The following CTIF variants were observed in gnomAD, a reference collection of about 807,000 sequenced individuals.
The protein encoded by CTIF is cap binding complex dependent translation initiation factor.
CTIF carries 21 observed loss-of-function variants against 66.0 expected under a neutral mutation model. The observed-to-expected ratio is 0.32, with a 90% CI of 0.23 to 0.46. CTIF has a LOEUF of 0.46. CTIF is among the 20% of genes least tolerant of loss of function. The pLI, the probability that CTIF is intolerant of heterozygous loss-of-function variation, is 1.00. For synonymous variants in CTIF, 345 were observed against 326.4 expected, an observed-to-expected ratio of 1.06 and a Z score of -0.62; for missense variants, 739 against 812.7, an observed-to-expected ratio of 0.91 and a Z score of 1.10.
chr18:48,743,693 A>G (rs2092572793), intron 7 of CTIF, among the ~76,000 whole-genome samples: 1 of 152,220 alleles, frequency 6.6e-6, no homozygotes, highest in Admixed American at 6.5e-5. Flanking sequence ...TTAAACACAA[A>G]CCTTGTAATT....
intron 9 of CTIF, among the ~76,000 whole-genome samples, chr18:48,775,532 TCTC>T (rs908402036): frequency 3.9e-5 from 6 of 152,264 alleles, no homozygotes; most frequent in Admixed American, 3.9e-4. Flanking sequence ...CAAGGAAAGC[TCTC>T]CAAGGGGCCC....
At chr18:48,763,571 G>A (rs1909224224) in intron 9 of CTIF, among the ~76,000 whole-genome samples, 1 of 152,232 alleles carries the variant, frequency 6.6e-6, no homozygotes. Flanking sequence ...AGAACTACTT[G>A]TGGGATTAGT....
At chr18:48,635,676 T>G (rs1369249423) in intron 2 of CTIF, among the ~76,000 whole-genome samples, 2 of 152,174 alleles carry the variant, frequency 1.3e-5, no homozygotes, top group East Asian at 3.8e-4. Context: ...ATTCAACAAC[T>G]TCAGCTCCGG....
intron 7 of CTIF, among the ~76,000 whole-genome samples, chr18:48,730,227 G>A (rs931177479): frequency 5.4e-5 from 8 of 149,192 alleles, no homozygotes; most frequent in Admixed American, 6.6e-5. Context: ...AGGAGCCCCC[G>A]AAGTGTGAGG....
Position 48,663,476 on chromosome 18 carries a change from T to A in CTIF, c.253-276T>A, listed in dbSNP as rs568016694. Among the ~76,000 whole-genome samples the A allele has an allele frequency of 9.9e-5, 15 of 152,184 alleles. No individual in the cohort carries two copies. In the South Asian group the frequency reaches 2.5e-3, roughly 25 times the overall value. ...GCTCTGGGTGGTACAGAGCCCTTGC[T>A]GGGTGTGGAGGCTTTGAGGAGAGAG... On this transcript the variant is annotated intron_variant, in intron 3 of 11. Coordinates refer to ENST00000256413, the MANE Select transcript of CTIF (RefSeq NM_014772.3).
intron 10 of CTIF, among the ~76,000 whole-genome samples, chr18:48,845,803 GA>G (rs2069058045): frequency 6.6e-6 from 1 of 152,134 alleles, no homozygotes; most frequent in Non-Finnish European, 1.5e-5. Flanking sequence ...TTACGCAGTT[GA>G]CCAAACCCCA....
rs1472369920 is a variant in CTIF, at chr18:48,862,100, A to C, written c.*2541A>C. Reference sequence around the variant, plus strand: ...GTCAAGCCTAAAATTTGAGACCCCGAGGCAGCTTCCCGAGGGAGACTGCTC... The same window carrying C: ...GTCAAGCCTAAAATTTGAGACCCCGCGGCAGCTTCCCGAGGGAGACTGCTC... On this transcript the variant is annotated 3_prime_UTR_variant, in exon 12 of 12. Transcript: ENST00000256413. 1 of 152,064 alleles carries C rather than the reference A, an allele frequency of 6.6e-6. No homozygotes were observed. The highest frequency in any genetic ancestry group is 1.5e-5 in the Non-Finnish European group (1 of 68,006). 9.4% of individuals were successfully genotyped at this position (152,064 alleles called of 1,614,324 possible).
intron 5 of CTIF, among the ~76,000 whole-genome samples, chr18:48,667,042 C>T: frequency 6.6e-6 from 1 of 151,730 alleles, no homozygotes; most frequent in East Asian, 1.9e-4. Context: ...TGTCACTAGA[C>T]CTGCTGGGTC....
At chr18:48,563,046 G>A (rs921292533) in intron 1 of CTIF, among the ~76,000 whole-genome samples, 2 of 152,314 alleles carry the variant, frequency 1.3e-5, no homozygotes, top group South Asian at 4.1e-4. Flanking sequence ...ACATAGCCTG[G>A]GGGGCATTTA....
chr18:48,785,351 G>A (rs972104100), intron 9 of CTIF, among the ~76,000 whole-genome samples: 1 of 152,208 alleles, frequency 6.6e-6, no homozygotes, highest in Admixed American at 6.5e-5. Context: ...CCTGACTTGG[G>A]ATGCCGTTTC....
chr18:48,722,626 T>C (rs578239075), intron 7 of CTIF, among the ~76,000 whole-genome samples: 54 of 144,708 alleles, frequency 3.7e-4, no homozygotes, highest in African/African-American at 1.3e-3. Context: ...CCGGCCGTAC[T>C]CATCGGCACT....
At chr18:48,659,367 C>G (rs1274748922) in intron 3 of CTIF, among the ~76,000 whole-genome samples, 2 of 152,168 alleles carry the variant, frequency 1.3e-5, no homozygotes, top group Non-Finnish European at 2.9e-5. Flanking sequence ...CTGCTCTCCT[C>G]CATGTGTCCA....
chr18:48,626,635 G>A (rs11662493), intron 2 of CTIF, among the ~76,000 whole-genome samples: 21,396 of 146,668 alleles, frequency 0.15, 1,736 homozygotes, highest in South Asian at 0.25. Context: ...ATGAGCCACC[G>A]CACCTGGCCG....
chr18:48,546,992 T>G (rs775725764), intron 1 of CTIF, among the ~76,000 whole-genome samples: 2 of 152,316 alleles, frequency 1.3e-5, no homozygotes, highest in Non-Finnish European at 2.9e-5. Flanking sequence ...TTCCTGACTG[T>G]GAGCTCTAGG....
chr18:48,693,542 C>T (rs2039271371), intron 6 of CTIF, among the ~76,000 whole-genome samples: 1 of 152,112 alleles, frequency 6.6e-6, no homozygotes, highest in South Asian at 2.1e-4. Context: ...CCCCTTTATC[C>T]TCATCTCAGG....
Position 48,834,296 on chromosome 18 carries a change from C to G in CTIF, c.1527+16920C>G, listed in dbSNP as rs1488763912. On this transcript the variant is annotated intron_variant, in intron 10 of 11. Transcript: ENST00000256413. The stretch of plus-strand genomic sequence containing the variant: ...ATGACTGAGAGTGACTGTGTGCCAA[C>G]GAAACCTTATTTATGGACACTGAGA... 2.6e-5 allele frequency among the ~76,000 whole-genome samples: 4 copies of G among 152,206 alleles called. No homozygotes were observed. The East Asian group carries it at 7.7e-4, about 29-fold the overall frequency.
intron 7 of CTIF, among the ~76,000 whole-genome samples, chr18:48,743,270 C>A (rs1458352946): frequency 6.6e-6 from 1 of 152,206 alleles, no homozygotes; most frequent in East Asian, 1.9e-4. Flanking sequence ...TGTGTCCACA[C>A]GGAGCCAAGG....
intron 7 of CTIF, among the ~76,000 whole-genome samples, chr18:48,742,203 C>G (rs532658855): frequency 2.6e-5 from 4 of 152,318 alleles, no homozygotes; most frequent in Admixed American, 1.3e-4. Flanking sequence ...GGAGACAACA[C>G]ACGAGCTCCT....
At position 48,643,641 on chromosome 18, in the gene CTIF, G is replaced by A. The variant is rs190778060; in HGVS notation, c.252+6956G>A. The stretch of plus-strand genomic sequence containing the variant: ...TGGGAGAAAGAGGCTGTGGTTTCTC[G>A]TGGTGGGGAAGAGGGAGTCTAACTT... On this transcript the variant is annotated intron_variant, in intron 3 of 11. Transcript: ENST00000256413. Among the ~76,000 whole-genome samples, 678 of 152,322 alleles carry A rather than the reference G, an allele frequency of 4.5e-3. 9 individuals are homozygous for A. Among genetic ancestry groups the A allele is most frequent in the African/African-American group, 0.015 (640 of 41,576 alleles).
Sources: allele counts gnomAD v4.1 joint callset (sites outside exome capture counted in the v4.1 genomes callset), GRCh38; gene constraint gnomAD v4.1.1; transcripts MANE v1.5; gene names NCBI Gene and HGNC (gene_info 2026-07-23, HGNC 2026-07-21).